The following CAMTA1 variants were observed in gnomAD, a reference collection of about 807,000 sequenced individuals.
CAMTA1 encodes the protein calmodulin-binding transcription activator 1.
CAMTA1 carries 27 observed loss-of-function variants against 170.9 expected under a neutral mutation model. The ratio of observed to expected loss-of-function variants is 0.16; its 90% CI spans 0.12 to 0.22. CAMTA1 has a LOEUF of 0.22. CAMTA1 is among the 10% of genes least tolerant of loss of function. The pLI is 1.00. For missense variants in CAMTA1, 1,619 were observed against 2,217.2 expected, an observed-to-expected ratio of 0.73 and a Z score of 5.42; for synonymous variants, 833 against 891.5, an observed-to-expected ratio of 0.93 and a Z score of 1.17.
At chr1:7,761,671 A>G (rs1226414316) in intron 22 of CAMTA1, among the ~76,000 whole-genome samples, 1 of 152,210 alleles carries the variant, frequency 6.6e-6, no homozygotes, top group Non-Finnish European at 1.5e-5. Context: ...CCAAGTTTGT[A>G]TACTGAAAAA....
chr1:7,381,069 T>G (rs529124633), intron 5 of CAMTA1, among the ~76,000 whole-genome samples: 2 of 152,224 alleles, frequency 1.3e-5, no homozygotes, highest in South Asian at 2.1e-4. Context: ...TGTATTAAGA[T>G]AGGTTCAGCT....
At chr1:7,419,360 T>C (rs60694318) in intron 5 of CAMTA1, among the ~76,000 whole-genome samples, 11,035 of 152,216 alleles carry the variant, frequency 0.072, 1,054 homozygotes, top group African/African-American at 0.22. Flanking sequence ...TTTCATCATG[T>C]TGGCCAGGCT....
intron 5 of CAMTA1, among the ~76,000 whole-genome samples, chr1:7,295,455 G>A (rs547629587): frequency 2.0e-5 from 3 of 152,304 alleles, no homozygotes; most frequent in African/African-American, 4.8e-5. Context: ...TCTGCACAGT[G>A]GTACTTAGCA....
At chr1:7,564,888 G>A (rs1275185895) in intron 6 of CAMTA1, among the ~76,000 whole-genome samples, 1 of 151,908 alleles carries the variant, frequency 6.6e-6, no homozygotes, top group East Asian at 1.9e-4. Context: ...AAACAGTGGG[G>A]TGGAAAAAAA....
At chr1:7,085,448 G>A (rs1640614301) in intron 3 of CAMTA1, among the ~76,000 whole-genome samples, 1 of 152,198 alleles carries the variant, frequency 6.6e-6, no homozygotes, top group South Asian at 2.1e-4. Context: ...AGTGACAGAC[G>A]GACTGAGACA....
intron 5 of CAMTA1, among the ~76,000 whole-genome samples, chr1:7,358,779 C>A (rs950883745): frequency 1.3e-5 from 2 of 152,188 alleles, no homozygotes; most frequent in Non-Finnish European, 2.9e-5. Flanking sequence ...TGTTTCCAGA[C>A]CTAATGAGGC....
intron 3 of CAMTA1, among the ~76,000 whole-genome samples, chr1:7,060,487 T>G (rs1708042198): frequency 6.6e-6 from 1 of 152,226 alleles, no homozygotes; most frequent in Non-Finnish European, 1.5e-5. Context: ...CATGCCGAGA[T>G]GCTGGGAGTT....
intron 5 of CAMTA1, among the ~76,000 whole-genome samples, chr1:7,383,647 G>A (rs1037075024): frequency 1.5e-4 from 23 of 152,148 alleles, no homozygotes; most frequent in African/African-American, 5.3e-4. Flanking sequence ...TGGGGGTGAG[G>A]TGATGGTGGT....
chr1:6,846,508 A>G (rs1427374563), intron 3 of CAMTA1, among the ~76,000 whole-genome samples: 1 of 152,264 alleles, frequency 6.6e-6, no homozygotes, highest in Non-Finnish European at 1.5e-5. Context: ...AGGTTTTTTA[A>G]AAAGTTCAAA....
At chr1:7,187,024 T>C (rs1653452406) in intron 4 of CAMTA1, among the ~76,000 whole-genome samples, 1 of 151,958 alleles carries the variant, frequency 6.6e-6, no homozygotes, top group African/African-American at 2.4e-5. Flanking sequence ...GCTCACTTGG[T>C]CTGGGAGAAG....
At chr1:7,238,304 A>G (rs549771391) in intron 4 of CAMTA1, among the ~76,000 whole-genome samples, 13 of 152,288 alleles carry the variant, frequency 8.5e-5, no homozygotes, top group African/African-American at 3.1e-4. Flanking sequence ...GGCTGAAGTC[A>G]GATAGTCTGG....
chr1:7,678,330 C>T (rs74054219), intron 11 of CAMTA1, among the ~76,000 whole-genome samples: 1 of 152,314 alleles, frequency 6.6e-6, no homozygotes, highest in African/African-American at 2.4e-5. Flanking sequence ...CCACCTCTGG[C>T]CTGTACGGCG....
At chr1:7,323,696 A>T (rs1353333353) in intron 5 of CAMTA1, among the ~76,000 whole-genome samples, 2 of 151,420 alleles carry the variant, frequency 1.3e-5, no homozygotes, top group Non-Finnish European at 2.9e-5. Flanking sequence ...TGCTACTAAA[A>T]CACTAGAACG....
intron 5 of CAMTA1, among the ~76,000 whole-genome samples, chr1:7,418,395 C>T (rs539342578): frequency 3.3e-5 from 5 of 152,266 alleles, no homozygotes; most frequent in South Asian, 2.1e-4. Context: ...GACAGGATTT[C>T]GCCATGTTGC....
At chr1:7,206,884 A>G (rs1573894266) in intron 4 of CAMTA1, among the ~76,000 whole-genome samples, 2 of 152,242 alleles carry the variant, frequency 1.3e-5, no homozygotes, top group East Asian at 3.9e-4. Flanking sequence ...ATTCTGACCC[A>G]AATGCTGCTT....
intron 1 of CAMTA1, among the ~76,000 whole-genome samples, chr1:6,808,861 C>T (rs2148315745): frequency 6.6e-6 from 1 of 152,162 alleles, no homozygotes. Flanking sequence ...GTCACACACA[C>T]ATGCAATTTT....
Position 7,665,548 on chromosome 1 carries a change from A to G in CAMTA1, c.2652+349A>G, listed in dbSNP as rs1184458625. ...GGGCAACGTAGTGAGAACTGGTTTC[A>G]ACAAAATATTAAAAAAATAAGCCAG... is the stretch of plus-strand genomic sequence containing the variant. On this transcript the variant is annotated intron_variant, in intron 9 of 22. Transcript: ENST00000303635. The surrounding 1 kb of genome is among the most constrained non-coding windows in gnomAD (Gnocchi z 4.3). Among the ~76,000 whole-genome samples, 1 of 151,994 alleles carries G rather than the reference A, an allele frequency of 6.6e-6. No individual in the cohort carries two copies. The highest frequency in any genetic ancestry group is 2.4e-5 in the African/African-American group (1 of 41,392).
chr1:7,573,725 A>G (rs868498341), intron 6 of CAMTA1, among the ~76,000 whole-genome samples: 2 of 152,106 alleles, frequency 1.3e-5, no homozygotes, highest in South Asian at 2.1e-4. Flanking sequence ...TATTGCATCT[A>G]GGACCACTCT....
chr1:7,346,885 C>T (rs2084263377), intron 5 of CAMTA1, among the ~76,000 whole-genome samples: 1 of 152,146 alleles, frequency 6.6e-6, no homozygotes, highest in African/African-American at 2.4e-5. Flanking sequence ...AGGGGCCAGG[C>T]CTTGCAGCTG....
Sources: allele counts gnomAD v4.1 joint callset (sites outside exome capture counted in the v4.1 genomes callset), GRCh38; gene constraint gnomAD v4.1.1; non-coding constraint Gnocchi (gnomAD v3.1); transcripts MANE v1.5; gene names NCBI Gene and HGNC (gene_info 2026-07-23, HGNC 2026-07-21).